Variants in CNTNAP2 observed in about 807,000 individuals in gnomAD.
CNTNAP2 encodes the protein contactin associated protein 2, also known as contactin-associated protein-like 2.
Under a neutral mutation model 155.2 loss-of-function variants are expected in CNTNAP2, and 98 were observed. The observed-to-expected ratio is 0.63, with a 90% confidence interval of 0.54 to 0.75. CNTNAP2 has a LOEUF of 0.75. Ranked by LOEUF, CNTNAP2 falls within the 30% of genes least tolerant of loss-of-function variation. The pLI is 0.00. For missense variants in CNTNAP2, 1,727 were observed against 1,688.1 expected (o/e 1.02, Z -0.40); for synonymous variants, 651 against 631.2 (o/e 1.03, Z -0.47).
At chr7:146,524,115 T>C (rs1190092951) in intron 1 of CNTNAP2, among the ~76,000 whole-genome samples, 1 of 152,088 alleles carries the variant, frequency 6.6e-6, no homozygotes, top group African/African-American at 2.4e-5. Flanking sequence ...CACAAGAGTA[T>C]CATGCGAGTT....
intron 12 of CNTNAP2, among the ~76,000 whole-genome samples, chr7:147,603,136 C>A (rs1280466385): frequency 6.6e-6 from 1 of 151,436 alleles, no homozygotes; most frequent in Non-Finnish European, 1.5e-5. Flanking sequence ...TCCACATCCT[C>A]TCCAGCACCT....
chr7:147,912,673 C>A (rs576694425), intron 14 of CNTNAP2, among the ~76,000 whole-genome samples: 2 of 152,300 alleles, frequency 1.3e-5, no homozygotes, highest in South Asian at 4.1e-4. Context: ...GCGAAGCCTC[C>A]TATGGGTCTC....
At chr7:147,785,038 A>C (rs557399794) in intron 13 of CNTNAP2, among the ~76,000 whole-genome samples, 13 of 152,118 alleles carry the variant, frequency 8.5e-5, no homozygotes, top group Admixed American at 2.0e-4. Flanking sequence ...CAAATATAAC[A>C]CTGGAGTTGG....
At chr7:147,229,371 A>T (rs1803626263) in intron 8 of CNTNAP2, among the ~76,000 whole-genome samples, 2 of 152,218 alleles carry the variant, frequency 1.3e-5, no homozygotes, top group Admixed American at 1.3e-4. Flanking sequence ...AGCATTGAGG[A>T]TGTGGCAGTT....
intron 2 of CNTNAP2, among the ~76,000 whole-genome samples, chr7:146,779,736 T>C (rs1802449797): frequency 6.6e-6 from 1 of 152,194 alleles, no homozygotes; most frequent in Admixed American, 6.5e-5. Flanking sequence ...ATTTCTCCCA[T>C]TTTAAGAATG....
At chr7:147,088,955 A>G (rs1405157164) in intron 4 of CNTNAP2, among the ~76,000 whole-genome samples, 1 of 152,096 alleles carries the variant, frequency 6.6e-6, no homozygotes, top group Non-Finnish European at 1.5e-5. Context: ...AAATAAATAA[A>G]TGAAAGAAGA....
At chr7:146,969,479 A>G (rs1797734734) in intron 3 of CNTNAP2, among the ~76,000 whole-genome samples, 1 of 152,102 alleles carries the variant, frequency 6.6e-6, no homozygotes, top group Non-Finnish European at 1.5e-5. Flanking sequence ...GACTTGCTTT[A>G]TGAATCTGGG....
chr7:146,412,978 C>A (rs1434014262), intron 1 of CNTNAP2, among the ~76,000 whole-genome samples: 2 of 152,022 alleles, frequency 1.3e-5, no homozygotes, highest in African/African-American at 2.4e-5. Flanking sequence ...AAATGAAGAC[C>A]CCCCTCAGTT....
At chr7:146,866,221 A>G (rs2129206284) in intron 3 of CNTNAP2, among the ~76,000 whole-genome samples, 1 of 152,260 alleles carries the variant, frequency 6.6e-6, no homozygotes, top group South Asian at 2.1e-4. Flanking sequence ...CATGCACGGA[A>G]AGTCCAAGAT....
At chr7:147,902,534 T>C (rs2116749755) in intron 13 of CNTNAP2, among the ~76,000 whole-genome samples, 1 of 152,230 alleles carries the variant, frequency 6.6e-6, no homozygotes, top group Non-Finnish European at 1.5e-5. Flanking sequence ...GAATCCAATT[T>C]GTCATCTTTT....
At chr7:146,889,209 C>T (rs1437356334) in intron 3 of CNTNAP2, among the ~76,000 whole-genome samples, 2 of 152,016 alleles carry the variant, frequency 1.3e-5, no homozygotes, top group African/African-American at 4.8e-5. Flanking sequence ...TAATTAGTTG[C>T]TTTTTCTGTT....
chr7:147,511,794 A>G (rs942865990), intron 11 of CNTNAP2, among the ~76,000 whole-genome samples: 1 of 152,128 alleles, frequency 6.6e-6, no homozygotes, highest in Non-Finnish European at 1.5e-5. Context: ...AGAACTTTGT[A>G]TTTCTTATGT....
At chr7:147,687,653 T>C (rs931783973) in intron 13 of CNTNAP2, among the ~76,000 whole-genome samples, 1 of 152,082 alleles carries the variant, frequency 6.6e-6, no homozygotes, top group African/African-American at 2.4e-5. Context: ...AATTTAACCA[T>C]TGTATAGAGA....
chr7:146,479,700 A>C (rs76788732), intron 1 of CNTNAP2, among the ~76,000 whole-genome samples: 4,744 of 152,172 alleles, frequency 0.031, 219 homozygotes, highest in African/African-American at 0.1. Flanking sequence ...ACCAAAAAAA[A>C]CCCAAAAAAC....
intron 15 of CNTNAP2, among the ~76,000 whole-genome samples, chr7:147,978,860 G>A (rs1801476005): frequency 6.6e-6 from 1 of 152,082 alleles, no homozygotes; most frequent in Admixed American, 6.5e-5. Flanking sequence ...GGAGACCTCA[G>A]GCAAACCCCT....
At chr7:148,309,182 CT>C (rs1010673934) in intron 21 of CNTNAP2, among the ~76,000 whole-genome samples, 3 of 152,194 alleles carry the variant, frequency 2.0e-5, no homozygotes, top group Admixed American at 1.3e-4. Flanking sequence ...GAATTCTTCT[CT>C]ATACAGGGAA....
chr7:147,841,306 C>A (rs1165338403), intron 13 of CNTNAP2, among the ~76,000 whole-genome samples: 1 of 152,130 alleles, frequency 6.6e-6, no homozygotes, highest in Non-Finnish European at 1.5e-5. Flanking sequence ...AGGTAATCGC[C>A]AACAAACACA....
At chr7:147,348,704 T>C (rs554112570) in intron 9 of CNTNAP2, among the ~76,000 whole-genome samples, 1 of 152,204 alleles carries the variant, frequency 6.6e-6, no homozygotes, top group East Asian at 1.9e-4. Flanking sequence ...CCATGTTTAT[T>C]GCAGCACTAT....
intron 3 of CNTNAP2, among the ~76,000 whole-genome samples, chr7:147,022,145 A>T (rs187993902): frequency 1.3e-5 from 2 of 152,228 alleles, no homozygotes; most frequent in South Asian, 2.1e-4. Context: ...TACAAACAGT[A>T]TCTCATAGAA....
Sources: allele counts gnomAD v4.1 joint callset (sites outside exome capture counted in the v4.1 genomes callset), GRCh38; gene constraint gnomAD v4.1.1; transcripts MANE v1.5; gene names NCBI Gene and HGNC (gene_info 2026-07-23, HGNC 2026-07-21).